Variants in RYR2 observed in about 807,000 individuals in gnomAD.
RYR2 encodes ryanodine receptor 2, also known as cardiac muscle ryanodine receptor-calcium release channel.
A neutral mutation model predicts 601.1 loss-of-function variants in RYR2; 227 were observed. The ratio of observed to expected loss-of-function variants is 0.38; its 90% CI spans 0.34 to 0.42. The LOEUF (loss-of-function observed/expected upper bound fraction) is 0.42, where lower values mean the gene tolerates loss of function less well. Ranked by LOEUF, RYR2 falls within the 10% of genes least tolerant of loss-of-function variation. RYR2 has a pLI of 1.00. For synonymous variants in RYR2, 2,223 were observed against 2,175.1 expected, an observed-to-expected ratio of 1.02 and a Z score of -0.61; for missense variants, 4,646 against 6,156.5, an observed-to-expected ratio of 0.75 and a Z score of 8.21.
At chr1:237,316,391 C>A (rs1200955732) in intron 2 of RYR2, among the ~76,000 whole-genome samples, 2 of 152,114 alleles carry the variant, frequency 1.3e-5, no homozygotes, top group Non-Finnish European at 2.9e-5. Flanking sequence ...AAACTCAATC[C>A]TTTATAGCAC....
At chr1:237,069,830 T>G (rs1664084564) in intron 1 of RYR2, among the ~76,000 whole-genome samples, 1 of 152,206 alleles carries the variant, frequency 6.6e-6, no homozygotes, top group African/African-American at 2.4e-5. Context: ...GTTAATACTG[T>G]TTTTCCCTAA....
chr1:237,308,308 T>C (rs1234707371), intron 2 of RYR2, among the ~76,000 whole-genome samples: 1 of 152,214 alleles, frequency 6.6e-6, no homozygotes, highest in African/African-American at 2.4e-5. Flanking sequence ...ACAAGCATTG[T>C]ACCTAGGGTG....
intron 1 of RYR2, among the ~76,000 whole-genome samples, chr1:237,231,326 CT>C (rs1179680194): frequency 2.9e-4 from 39 of 135,868 alleles, no homozygotes; most frequent in Middle Eastern, 3.7e-3. Context: ...TTCTTTCTTT[CT>C]TTTTTTTTTT....
chr1:237,673,611 T>C (rs942933805), intron 58 of RYR2, among the ~76,000 whole-genome samples: 1 of 152,224 alleles, frequency 6.6e-6, no homozygotes, highest in Non-Finnish European at 1.5e-5. Flanking sequence ...AATGTGACTA[T>C]GAAGTACTCT....
chr1:237,370,069 C>T (rs1414475407), intron 6 of RYR2, among the ~76,000 whole-genome samples: 2 of 152,008 alleles, frequency 1.3e-5, no homozygotes, highest in Admixed American at 6.6e-5. Flanking sequence ...CCTCCTTTCA[C>T]CCAGTTATTC....
At chr1:237,400,658 A>G (rs2149927920) in intron 10 of RYR2, among the ~76,000 whole-genome samples, 1 of 152,296 alleles carries the variant, frequency 6.6e-6, no homozygotes, top group East Asian at 1.9e-4. Flanking sequence ...ATAATAGTAG[A>G]CATTATTTAT....
intron 80 of RYR2, among the ~76,000 whole-genome samples, chr1:237,746,260 TATAACAC>T (rs1692066412): frequency 6.6e-6 from 1 of 152,190 alleles, no homozygotes; most frequent in Admixed American, 6.5e-5. Flanking sequence ...CAATAATTCT[TATAACAC>T]ATTATATCAA....
chr1:237,530,607 A>G, intron 25 of RYR2, 97 bp downstream of exon 25: 1 of 994,350 alleles, frequency 1.0e-6, no homozygotes. Flanking sequence ...GCTTTTACTG[A>G]AGCTTTAAAA....
At chr1:237,559,466 G>A (rs1312337703) in intron 27 of RYR2, among the ~76,000 whole-genome samples, 2 of 151,878 alleles carry the variant, frequency 1.3e-5, no homozygotes, top group Non-Finnish European at 2.9e-5. Context: ...GGCTGGTCTC[G>A]AACTCCTGAC....
At chr1:237,696,148 C>A (rs1392693608) in intron 63 of RYR2, among the ~76,000 whole-genome samples, 2 of 152,168 alleles carry the variant, frequency 1.3e-5, no homozygotes, top group Non-Finnish European at 2.9e-5. Flanking sequence ...CTGGCCACCC[C>A]TCATGGAAAA....
chr1:237,393,191 G>T (rs556575142), intron 10 of RYR2, among the ~76,000 whole-genome samples: 1 of 152,196 alleles, frequency 6.6e-6, no homozygotes, highest in South Asian at 2.1e-4. Context: ...ATTGCTCTTG[G>T]CATATGCTTG....
chr1:237,669,421 C>T (rs1684649197), intron 58 of RYR2, among the ~76,000 whole-genome samples: 1 of 152,062 alleles, frequency 6.6e-6, no homozygotes, highest in African/African-American at 2.4e-5. Flanking sequence ...GGTGGCCTGG[C>T]AGAGGGGCTC....
intron 8 of RYR2, among the ~76,000 whole-genome samples, chr1:237,386,866 G>A (rs1249575272): frequency 6.6e-6 from 1 of 152,130 alleles, no homozygotes; most frequent in East Asian, 1.9e-4. Flanking sequence ...TTCATAAAAT[G>A]AAGACTCCAT....
chr1:237,294,443 A>G (rs1008467879), intron 2 of RYR2, among the ~76,000 whole-genome samples: 3 of 145,596 alleles, frequency 2.1e-5, no homozygotes, highest in Non-Finnish European at 3.0e-5. Flanking sequence ...CTTTGATAAG[A>G]AAAAAAAAAA....
rs1173127501 is a variant in RYR2, at chr1:237,688,793, GCTAT to G, written c.9067+1293_9067+1296del. 2.6e-5 allele frequency among the ~76,000 whole-genome samples: 4 copies of G among 152,088 alleles called. No homozygotes were observed. In the East Asian group the frequency reaches 7.7e-4, roughly 29 times the overall value. ...TATTCTCCATTTGTCTTCAGCAAGT[GCTAT>G]CTAATTATACATATCAGCTGCCCTT... On this transcript the variant is annotated intron_variant, in intron 63 of 104. Coordinates refer to ENST00000366574, the MANE Select transcript of RYR2 (RefSeq NM_001035.3).
At chr1:237,156,850 C>T (rs774797928) in intron 1 of RYR2, among the ~76,000 whole-genome samples, 3 of 152,098 alleles carry the variant, frequency 2.0e-5, no homozygotes, top group Non-Finnish European at 4.4e-5. Context: ...GAAATACACC[C>T]CAGTTAAAAT....
intron 1 of RYR2, among the ~76,000 whole-genome samples, chr1:237,209,293 A>T (rs1682291475): frequency 6.6e-6 from 1 of 151,834 alleles, no homozygotes; most frequent in Admixed American, 6.6e-5. Flanking sequence ...CAGTTTTGAA[A>T]ATAAAAGCAT....
chr1:237,496,777 C>T, intron 20 of RYR2, 25 bp downstream of exon 20: 1 of 1,589,610 alleles, frequency 6.3e-7, no homozygotes. Context: ...TTTTCTTTCA[C>T]CGTGTTCCAG....
At chr1:237,564,258 G>A (rs1436736476) in intron 27 of RYR2, among the ~76,000 whole-genome samples, 1 of 151,928 alleles carries the variant, frequency 6.6e-6, no homozygotes, top group Non-Finnish European at 1.5e-5. Flanking sequence ...GCAGCACTGA[G>A]AACGAGTTTC....
Sources: gnomAD v4.1 joint callset for allele counts (sites outside exome capture counted in the v4.1 genomes callset) on GRCh38, gnomAD v4.1.1 for gene constraint, MANE v1.5 for transcripts, NCBI Gene and HGNC (gene_info 2026-07-23, HGNC 2026-07-21) for gene names.